Variants in NLGN1 observed in about 807,000 individuals in gnomAD.
NLGN1 encodes the protein neuroligin-1.
NLGN1 carries 12 observed loss-of-function variants against 65.5 expected under a neutral mutation model. The observed-to-expected ratio is 0.18, with a 90% CI of 0.12 to 0.30. The LOEUF is 0.30. Among genes scored for constraint, NLGN1 ranks in the 10% least tolerant of loss-of-function variants. The pLI is 1.00. For synonymous variants in NLGN1, 350 were observed against 359.5 expected (o/e 0.97, Z 0.30); for missense variants, 750 against 1,007.1 (o/e 0.74, Z 3.46).
At chr3:174,170,220 G>GAA (rs796666460) in intron 4 of NLGN1, among the ~76,000 whole-genome samples, 2 of 138,648 alleles carry the variant, frequency 1.4e-5, no homozygotes, top group African/African-American at 2.6e-5. Flanking sequence ...TATCATCTTT[G>GAA]AAAAAAAAAA....
intron 4 of NLGN1, among the ~76,000 whole-genome samples, chr3:174,075,134 C>T (rs1441063186): frequency 6.6e-6 from 1 of 152,130 alleles, no homozygotes; most frequent in Admixed American, 6.6e-5. Context: ...TACCATAAAT[C>T]TGCATCCTGA....
intron 3 of NLGN1, among the ~76,000 whole-genome samples, chr3:173,671,238 G>A (rs1320024763): frequency 6.6e-6 from 1 of 152,140 alleles, no homozygotes. Flanking sequence ...TGGTGGCTGA[G>A]GCCTGTAATC....
intron 4 of NLGN1, among the ~76,000 whole-genome samples, chr3:173,884,957 C>A (rs1734061900): frequency 6.6e-6 from 1 of 152,062 alleles, no homozygotes; most frequent in Admixed American, 6.6e-5. Context: ...AAGGGACTTA[C>A]CCTCTCAAGC....
intron 3 of NLGN1, among the ~76,000 whole-genome samples, chr3:173,763,988 A>G (rs570733625): frequency 6.6e-6 from 1 of 152,304 alleles, no homozygotes; most frequent in African/African-American, 2.4e-5. Flanking sequence ...AAGCTAACAA[A>G]TATCTGAAGC....
intron 4 of NLGN1, among the ~76,000 whole-genome samples, chr3:174,238,871 GTCTC>G (rs1215877017): frequency 6.6e-6 from 1 of 151,990 alleles, no homozygotes; most frequent in East Asian, 1.9e-4. Context: ...TCAACTGTCT[GTCTC>G]TCTCTTTCTT....
intron 4 of NLGN1, among the ~76,000 whole-genome samples, chr3:174,203,844 C>T (rs990634): frequency 0.75 from 113,625 of 152,036 alleles, 42,482 homozygotes; most frequent in East Asian, 0.8. Flanking sequence ...CCAATCATTC[C>T]TTATTAAAAA....
At chr3:173,838,578 G>C (rs1381288830) in intron 4 of NLGN1, among the ~76,000 whole-genome samples, 1 of 152,034 alleles carries the variant, frequency 6.6e-6, no homozygotes, top group Non-Finnish European at 1.5e-5. Context: ...TTATCTGCCT[G>C]CTTCCATGCT....
chr3:174,116,884 A>G (rs1257720355), intron 4 of NLGN1, among the ~76,000 whole-genome samples: 2 of 152,224 alleles, frequency 1.3e-5, no homozygotes, highest in Non-Finnish European at 2.9e-5. Flanking sequence ...AATAATTAAT[A>G]AAATGATATA....
At chr3:173,929,785 A>T (rs1420603878) in intron 4 of NLGN1, among the ~76,000 whole-genome samples, 1 of 151,298 alleles carries the variant, frequency 6.6e-6, no homozygotes, top group South Asian at 2.1e-4. Flanking sequence ...GCTCACCGCA[A>T]CTTCTGCCTC....
At chr3:173,571,942 C>T (rs1270885471) in intron 2 of NLGN1, among the ~76,000 whole-genome samples, 1 of 152,170 alleles carries the variant, frequency 6.6e-6, no homozygotes, top group Admixed American at 6.5e-5. Context: ...ATAACTCTGT[C>T]TTTCTACAAA....
intron 2 of NLGN1, among the ~76,000 whole-genome samples, chr3:173,500,214 G>C (rs569199078): frequency 6.6e-6 from 1 of 152,206 alleles, no homozygotes; most frequent in South Asian, 2.1e-4. Context: ...TTATTATTTT[G>C]AGATACATCC....
chr3:174,070,184 A>G (rs939412063), intron 4 of NLGN1, among the ~76,000 whole-genome samples: 8 of 152,326 alleles, frequency 5.3e-5, no homozygotes, highest in African/African-American at 1.4e-4. Context: ...AACTAAGGCT[A>G]TGAAAGGCTA....
chr3:174,024,922 T>C (rs1728552372), intron 4 of NLGN1, among the ~76,000 whole-genome samples: 1 of 152,200 alleles, frequency 6.6e-6, no homozygotes, highest in South Asian at 2.1e-4. Context: ...CAGCATTTAA[T>C]TGTACAAGCT....
intron 4 of NLGN1, among the ~76,000 whole-genome samples, chr3:173,957,075 A>G (rs1010987917): frequency 2.0e-5 from 3 of 151,952 alleles, no homozygotes; most frequent in Admixed American, 1.3e-4. Context: ...TATGATGCAT[A>G]TTATAATATA....
chr3:173,654,270 A>G (rs1759643989), intron 3 of NLGN1, among the ~76,000 whole-genome samples: 1 of 152,178 alleles, frequency 6.6e-6, no homozygotes, highest in Non-Finnish European at 1.5e-5. Context: ...TATTAAAAAT[A>G]ACGTTTAGAG....
At chr3:174,180,811 G>A (rs1001903572) in intron 4 of NLGN1, 3 of 151,896 alleles carry the variant, frequency 2.0e-5, no homozygotes, top group African/African-American at 7.2e-5. Flanking sequence ...AGAAGACTTA[G>A]ACTTTAAAGA....
chr3:174,242,942 T>C (rs1743165491), intron 4 of NLGN1, among the ~76,000 whole-genome samples: 1 of 152,174 alleles, frequency 6.6e-6, no homozygotes, highest in South Asian at 2.1e-4. Context: ...ATGATAAACT[T>C]TATAATTACT....
At chr3:173,478,805 G>T (rs1182146897) in intron 2 of NLGN1, among the ~76,000 whole-genome samples, 5 of 151,728 alleles carry the variant, frequency 3.3e-5, no homozygotes, top group African/African-American at 4.8e-5. Context: ...AGAATCACTT[G>T]AACCTGTGAG....
At chr3:173,644,096 T>G (rs1232990829) in intron 3 of NLGN1, 2 of 152,322 alleles carry the variant, frequency 1.3e-5, no homozygotes, top group African/African-American at 4.8e-5. Context: ...TTCTGATGTT[T>G]GTTCTGAGCA....
Sources: allele counts gnomAD v4.1 joint callset (sites outside exome capture counted in the v4.1 genomes callset), GRCh38; gene constraint gnomAD v4.1.1; transcripts MANE v1.5; gene names NCBI Gene and HGNC (gene_info 2026-07-23, HGNC 2026-07-21).